Variants in SHISA9 observed in about 807,000 individuals in gnomAD.
SHISA9 encodes the protein protein shisa-9.
SHISA9 carries 13 observed loss-of-function variants against 38.0 expected under a neutral mutation model. The observed-to-expected ratio is 0.34, with a 90% confidence interval of 0.22 to 0.54. SHISA9 has a LOEUF of 0.54. Ranked by LOEUF, SHISA9 falls within the 20% of genes least tolerant of loss-of-function variation. The pLI is 0.91. For missense variants in SHISA9, 538 were observed against 575.8 expected (o/e 0.93, Z 0.67); for synonymous variants, 275 against 242.0 (o/e 1.14, Z -1.27).
At chr16:13,018,168 T>A (rs2072780111) in intron 2 of SHISA9, among the ~76,000 whole-genome samples, 1 of 152,228 alleles carries the variant, frequency 6.6e-6, no homozygotes, top group Non-Finnish European at 1.5e-5. Context: ...TTCCTTGCTC[T>A]GTTTTGGATA....
At chr16:13,426,816 T>C in the SHISA9 span, among the ~76,000 whole-genome samples, 7 of 152,242 alleles carry the variant, frequency 4.6e-5, no homozygotes, top group Non-Finnish European at 1.0e-4. Context: ...ATGAATGGCG[T>C]TGACAGTAAT....
At chr16:13,461,602 C>G in the SHISA9 span, among the ~76,000 whole-genome samples, 1 of 143,934 alleles carries the variant, frequency 6.9e-6, no homozygotes, top group East Asian at 2.1e-4. Context: ...GATTTATAGA[C>G]TTTCTTTTTT....
At chr16:13,100,802 G>A (rs1235651623) in intron 2 of SHISA9, among the ~76,000 whole-genome samples, 1 of 152,148 alleles carries the variant, frequency 6.6e-6, no homozygotes. Context: ...CTGCCTCTCC[G>A]GTTCAAGGGA....
intron 2 of SHISA9, among the ~76,000 whole-genome samples, chr16:12,991,244 T>C (rs1489253938): frequency 3.3e-5 from 5 of 152,202 alleles, no homozygotes; most frequent in African/African-American, 1.2e-4. Context: ...TCTGGGAAAG[T>C]TTTCCCTTTC....
chr16:13,188,906 T>C (rs1326024464), intron 2 of SHISA9, among the ~76,000 whole-genome samples: 5 of 151,680 alleles, frequency 3.3e-5, no homozygotes, highest in Non-Finnish European at 5.9e-5. Context: ...CACACTGGAG[T>C]AGGATGAGTC....
At chr16:13,444,421 AAG>A in the SHISA9 span, among the ~76,000 whole-genome samples, 1 of 44,428 alleles carries the variant, frequency 2.3e-5, no homozygotes, top group African/African-American at 1.2e-4. Flanking sequence ...GGGAGGGAGG[AAG>A]GAAGGAAGGA....
At chr16:13,262,692 G>T in the SHISA9 span, among the ~76,000 whole-genome samples, 1 of 149,772 alleles carries the variant, frequency 6.7e-6, no homozygotes, top group South Asian at 2.1e-4. Flanking sequence ...AAGGAAGGAA[G>T]GAAGGAAGGA....
intron 2 of SHISA9, among the ~76,000 whole-genome samples, chr16:13,138,880 T>C (rs1347360731): frequency 6.6e-6 from 1 of 152,216 alleles, no homozygotes; most frequent in Non-Finnish European, 1.5e-5. Context: ...TTTGCAGTTT[T>C]TAATTCCATG....
chr16:12,911,934 A>G (rs576324470), intron 1 of SHISA9, among the ~76,000 whole-genome samples: 1 of 152,366 alleles, frequency 6.6e-6, no homozygotes, highest in East Asian at 1.9e-4. Context: ...AAAAACCACA[A>G]TTACTTTTAC....
intron 2 of SHISA9, among the ~76,000 whole-genome samples, chr16:12,937,648 A>C (rs575837544): frequency 3.3e-5 from 5 of 152,264 alleles, no homozygotes; most frequent in African/African-American, 9.6e-5. Flanking sequence ...GTGTCCTCAC[A>C]TGGTGGAAAG....
intron 2 of SHISA9, among the ~76,000 whole-genome samples, chr16:13,172,263 T>TG (rs2050692951): frequency 6.6e-6 from 1 of 152,200 alleles, no homozygotes; most frequent in Admixed American, 6.5e-5. Context: ...TTATGCTTGG[T>TG]TTTGCAGAGA....
In SHISA9 at chr16:13,235,358, A is replaced by G. The variant is rs755938754; in HGVS notation, c.1224A>G (p.Pro408=). ...DPLGTRPQHY[P]PPQPYFITNS... ...TGGGAACTCGCCCCCAGCACTACCC[A>G]CCCCCACAGCCATACTTCATCACCA... The change falls in exon 5 of 5, where the codon CCA becomes CCG. Residue 408 remains proline, a synonymous_variant. Coordinates refer to ENST00000558583, the MANE Select transcript of SHISA9 (RefSeq NM_001145204.3). 1 of 1,540,596 alleles carries G rather than the reference A, an allele frequency of 6.5e-7. No homozygotes were observed. Among genetic ancestry groups the G allele is most frequent in the South Asian group, 1.2e-5 (1 of 83,970 alleles).
Position 13,054,856 on chromosome 16 carries a change from T to C in SHISA9, c.691+138041T>C, listed in dbSNP as rs529570759. On this transcript the variant is annotated intron_variant, in intron 2 of 4. Coordinates refer to ENST00000558583, the MANE Select transcript of SHISA9 (RefSeq NM_001145204.3). Reference sequence around the variant, plus strand: ...AGTGCATGGAAATTTCCACGCTGTCTCCTGCCACGGGGCCTTTGCACATGC... The same window carrying C: ...AGTGCATGGAAATTTCCACGCTGTCCCCTGCCACGGGGCCTTTGCACATGC... Among the ~76,000 whole-genome samples, 132 of 152,334 alleles carry C rather than the reference T, an allele frequency of 8.7e-4. 1 individual carries two copies. The highest frequency in any genetic ancestry group is 3.0e-3 in the African/African-American group (125 of 41,578).
chr16:13,089,534 G>A (rs1596640765), intron 2 of SHISA9, among the ~76,000 whole-genome samples: 1 of 152,186 alleles, frequency 6.6e-6, no homozygotes, highest in Admixed American at 6.5e-5. Flanking sequence ...TCTTGGGAGA[G>A]TGTATGTGTC....
intron 2 of SHISA9, among the ~76,000 whole-genome samples, chr16:13,059,628 C>A (rs2073351443): frequency 6.6e-6 from 1 of 152,082 alleles, no homozygotes; most frequent in Admixed American, 6.5e-5. Context: ...CACACGTTTA[C>A]CTATGTAACA....
the SHISA9 span, among the ~76,000 whole-genome samples, chr16:13,455,633 T>C: frequency 6.6e-6 from 1 of 152,228 alleles, no homozygotes; most frequent in Non-Finnish European, 1.5e-5. Context: ...AGTGCCTTCA[T>C]GTGTTAAGAT....
At chr16:13,040,128 A>T (rs949570028) in intron 2 of SHISA9, among the ~76,000 whole-genome samples, 1 of 152,194 alleles carries the variant, frequency 6.6e-6, no homozygotes, top group Non-Finnish European at 1.5e-5. Context: ...CGAGAGCCAG[A>T]ATTGTCATTT....
intron 2 of SHISA9, among the ~76,000 whole-genome samples, chr16:12,953,917 T>G (rs1489542798): frequency 2.0e-5 from 3 of 152,112 alleles, no homozygotes; most frequent in Non-Finnish European, 2.9e-5. Context: ...TCAGCTCTTG[T>G]GAGAACTCAC....
At chr16:12,979,099 A>G (rs2072206453) in intron 2 of SHISA9, among the ~76,000 whole-genome samples, 1 of 152,134 alleles carries the variant, frequency 6.6e-6, no homozygotes, top group African/African-American at 2.4e-5. Context: ...ATTGCATTAA[A>G]CCTTCAGACA....
Sources: gnomAD v4.1 joint callset for allele counts (sites outside exome capture counted in the v4.1 genomes callset) on GRCh38, gnomAD v4.1.1 for gene constraint, MANE v1.5 for transcripts, NCBI Gene and HGNC (gene_info 2026-07-23, HGNC 2026-07-21) for gene names.